The following SPRED3 variants were observed in gnomAD, a reference collection of about 807,000 sequenced individuals.
SPRED3 encodes sprouty-related, EVH1 domain-containing protein 3.
In SPRED3, 23 loss-of-function variants were observed where a neutral mutation model predicts 37.6. The observed-to-expected ratio is 0.61, with a 90% CI of 0.44 to 0.87. The LOEUF is 0.87. Among genes scored for constraint, SPRED3 ranks in the 40% least tolerant of loss-of-function variants. SPRED3 has a pLI of 0.00. For missense variants in SPRED3, 584 were observed against 618.6 expected, an observed-to-expected ratio of 0.94 and a Z score of 0.59; for synonymous variants, 302 against 279.6, an observed-to-expected ratio of 1.08 and a Z score of -0.80.
intron 2 of SPRED3, 92 bp from the exon 3 acceptor site, chr19:38,391,854 C>A: frequency 1.4e-6 from 2 of 1,452,636 alleles, no homozygotes; most frequent in Non-Finnish European, 1.9e-6. Flanking sequence ...TGTGAGAAGA[C>A]ACTAGGGTAT....
chr19:38,389,427 T>C (rs1029067077), intron 1 of SPRED3, among the ~76,000 whole-genome samples: 1 of 113,260 alleles, frequency 8.8e-6, no homozygotes, highest in Non-Finnish European at 1.7e-5. Context: ...TCCCGATTAC[T>C]GGGCGGAGGG....
chr19:38,394,493 G>A (rs1970868931), intron 4 of SPRED3, 150 bp from the exon 5 acceptor site: 1 of 1,518,214 alleles, frequency 6.6e-7, no homozygotes, highest in African/African-American at 1.4e-5. Flanking sequence ...TCACTTGCCG[G>A]AGGTCACACA....
In SPRED3 at chr19:38,392,224, C is replaced by A. The variant is rs1241258619; in HGVS notation, c.359C>A (p.Pro120His). 4 of 978,062 alleles carry A rather than the reference C, an allele frequency of 4.1e-6. No homozygotes were observed. Among genetic ancestry groups the A allele is most frequent in the Non-Finnish European group, 5.4e-6 (4 of 739,112 alleles). The allele number at this position is 978,062 out of a possible 1,614,324, so 60.6% of individuals were successfully genotyped here. ...LAALGRGSLT[P>H]SSSSSSSSPS... The stretch of plus-strand genomic sequence containing the variant: ...CTCCCTGCCCCAGGCTCACTCACCC[C>A]CTCCTCCTCCTCCTCCTCCTCCTCT... The change falls in exon 4 of 6, where the codon CCC becomes CAC. Residue 120 changes from proline to histidine, a missense_variant. This residue lies in a region of SPRED3 where 310 missense variants were observed against 281.1 expected (regional missense o/e 1.10). Coordinates refer to ENST00000691638, the MANE Select transcript of SPRED3 (RefSeq NM_001394336.1).
chr19:38,395,993 CCGCGCCCCGCCG>C lies in SPRED3; in HGVS notation c.1087_1098del (p.Pro363_Arg366del). On this transcript the variant is annotated inframe_deletion, in exon 6 of 6. Coordinates refer to ENST00000691638, the MANE Select transcript of SPRED3 (RefSeq NM_001394336.1). The surrounding 1 kb of genome is among the most constrained non-coding windows in gnomAD (Gnocchi z 5.2). ...CCCGTGCGCCTGCGAGCCGGGCCAC[CCGCGCCCCGCCG>C]CGCGCTGGGCCGCGCTGGCCGCGCT... The C allele has an allele frequency of 7.0e-7, 1 of 1,424,030 alleles. No homozygotes were observed. The highest frequency in any genetic ancestry group is 9.1e-7 in the Non-Finnish European group (1 of 1,094,734). The allele number at this position is 1,424,030 out of a possible 1,614,324, so 88.2% of individuals were successfully genotyped here. A position where few individuals can be genotyped will look rare whatever the true frequency, so the allele number is the denominator to read the frequency against.
chr19:38,395,745 C>T lies in SPRED3; in HGVS notation c.833C>T (p.Pro278Leu), dbSNP rs1970888082. The change falls in exon 6 of 6, where the codon CCG (proline) becomes CTG (leucine). Residue 278 changes from proline to leucine, a missense_variant. Transcript: ENST00000691638. The surrounding 1 kb of genome is among the most constrained non-coding windows in gnomAD (Gnocchi z 5.2). ...PAPPARPPPG[P>L]GPSSAPAKAS... is the part of the protein sequence containing the mutation. Reference sequence around the variant, plus strand: ...CCCCCCGCTCGCCCACCCCCCGGCCCGGGCCCATCCTCTGCGCCTGCCAAG... The same window carrying T: ...CCCCCCGCTCGCCCACCCCCCGGCCTGGGCCCATCCTCTGCGCCTGCCAAG... 2 of 1,460,070 alleles carry T rather than the reference C, an allele frequency of 1.4e-6. No homozygotes were observed. The allele number at this position is 1,460,070 out of a possible 1,614,324, so 90.4% of individuals were successfully genotyped here.
chr19:38,390,461 A>C lies in SPRED3; in HGVS notation c.159A>C (p.Glu53Asp). The change falls in exon 2 of 6, where the codon GAA (glutamate) becomes GAC (aspartate). Residue 53 changes from glutamate to aspartate, a missense_variant. By Grantham distance (45) the Glu-to-Asp change is conservative. Transcript: ENST00000691638. ...ARQGHYVIHGERLRDQKTTLE... is the reference protein window; with the variant it reads ...ARQGHYVIHGDRLRDQKTTLE... ...AGGGGCACTACGTCATCCACGGGGAACGCCTCCGGGACCAGAAAGTGAGCC... is the reference window on the plus strand; with the variant it reads ...AGGGGCACTACGTCATCCACGGGGACCGCCTCCGGGACCAGAAAGTGAGCC... 7.7e-7 allele frequency: 1 copy of C among 1,305,072 alleles called. No individual in the cohort carries two copies. Among genetic ancestry groups the C allele is most frequent in the Non-Finnish European group, 9.8e-7 (1 of 1,019,038 alleles). 80.8% of individuals were successfully genotyped at this position (1,305,072 alleles called of 1,614,324 possible). A position where few individuals can be genotyped will look rare whatever the true frequency, so the allele number is the denominator to read the frequency against.
chr19:38,392,429 A>G (rs1970844851), intron 4 of SPRED3, 141 bp downstream of exon 4: 5 of 905,106 alleles, frequency 5.5e-6, no homozygotes, highest in African/African-American at 1.7e-5. Context: ...ATGAGTGTCA[A>G]TTCAATCCCA....
In SPRED3 at chr19:38,395,947, C is replaced by T. The variant is rs1212303631; in HGVS notation, c.1035C>T (p.Asp345=). Residue 345 remains aspartate (D), a synonymous_variant, in exon 6 of 6, where the codon GAC becomes GAT. Transcript: ENST00000691638. The surrounding 1 kb of genome is among the most constrained non-coding windows in gnomAD (Gnocchi z 5.2). ...GCTTGCTCTACCACTGCCTGTCGGA[C>T]GCCGAGGGCGACTTCTCGGACCCGT... is the stretch of plus-strand genomic sequence containing the variant. ...AESLLYHCLS[D]AEGDFSDPCA... The T allele has an allele frequency of 1.3e-6, 2 of 1,497,288 alleles. No homozygotes were observed. The highest frequency in any genetic ancestry group is 1.3e-5 in the South Asian group (1 of 79,964). 92.8% of individuals were successfully genotyped at this position (1,497,288 alleles called of 1,614,324 possible). A position where few individuals can be genotyped will look rare whatever the true frequency, so the allele number is the denominator to read the frequency against.
rs944558606 is a variant in SPRED3 at position 38,397,785 on chromosome 19, C to G, written c.*1640C>G. The G allele has an allele frequency of 2.0e-5, 3 of 152,170 alleles. No individual in the cohort carries two copies. Among genetic ancestry groups the G allele is most frequent in the African/African-American group, 7.2e-5 (3 of 41,408 alleles). 9.4% of individuals were successfully genotyped at this position (152,170 alleles called of 1,614,324 possible). A position where few individuals can be genotyped will look rare whatever the true frequency, so the allele number is the denominator to read the frequency against. ...ATTTGGAACTCATTGTAGGACCACC[C>G]AGGGTGGGGCACAGTGGCTCATGCC... On this transcript the variant is annotated 3_prime_UTR_variant, in exon 6 of 6. Coordinates refer to ENST00000691638, the MANE Select transcript of SPRED3 (RefSeq NM_001394336.1).
chr19:38,391,324 G>GAA (rs769735728), intron 2 of SPRED3, among the ~76,000 whole-genome samples: 17 of 111,656 alleles, frequency 1.5e-4, no homozygotes, highest in Admixed American at 4.8e-4. Context: ...AGCTCATCTG[G>GAA]AAAAAAAAAA....
Position 38,396,395 on chromosome 19 carries a change from C to T in SPRED3, c.*250C>T. 3.2e-6 allele frequency: 1 copy of T among 311,078 alleles called. No homozygotes were observed. The highest frequency in any genetic ancestry group is 5.1e-5 in the East Asian group (1 of 19,462). 19.3% of individuals were successfully genotyped at this position (311,078 alleles called of 1,614,324 possible). A position where few individuals can be genotyped will look rare whatever the true frequency, so the allele number is the denominator to read the frequency against. On this transcript the variant is annotated 3_prime_UTR_variant, in exon 6 of 6. Coordinates refer to ENST00000691638, the MANE Select transcript of SPRED3 (RefSeq NM_001394336.1). The stretch of plus-strand genomic sequence containing the variant: ...GAGTTCTGGCGTTCCCCCACCCCCA[C>T]ACCCCACGAGGAGGCTCCAGGCGTC...
chr19:38,395,715 C>T lies in SPRED3; in HGVS notation c.803C>T (p.Pro268Leu). 6.9e-7 allele frequency: 1 copy of T among 1,455,942 alleles called. No individual in the cohort carries two copies. The highest frequency in any genetic ancestry group is 9.0e-7 in the Non-Finnish European group (1 of 1,115,128). The allele number at this position is 1,455,942 out of a possible 1,614,324, so 90.2% of individuals were successfully genotyped here. A position where few individuals can be genotyped will look rare whatever the true frequency, so the allele number is the denominator to read the frequency against. Residue 268 changes from proline (P) to leucine (L), a missense_variant, in exon 6 of 6, where the codon CCA (proline) becomes CTA (leucine). Pro to Leu is a moderately conservative substitution (Grantham distance 98). This residue lies in a region of SPRED3 where 310 missense variants were observed against 281.1 expected (regional missense o/e 1.10). Coordinates refer to ENST00000691638, the MANE Select transcript of SPRED3 (RefSeq NM_001394336.1). This position sits in a 1 kb window ranked among gnomAD's most constrained non-coding sequence, Gnocchi z 5.2. ...GCCCCTTTGACCGAGGCTGCGCCCC[C>T]AGCGCCCCCCGCTCGCCCACCCCCC... The part of the protein sequence containing the change: ...LPAPLTEAAP[P>L]APPARPPPGP...
At chr19:38,390,853 C>T (rs1472739308) in intron 2 of SPRED3, among the ~76,000 whole-genome samples, 1 of 150,976 alleles carries the variant, frequency 6.6e-6, no homozygotes, top group Non-Finnish European at 1.5e-5. Flanking sequence ...CGAGGCCCTA[C>T]ACCACCTGGC....
chr19:38,398,053 A>G lies in SPRED3; in HGVS notation c.*1908A>G, dbSNP rs910617921. The G allele has an allele frequency of 6.6e-5, 10 of 152,214 alleles. No homozygotes were observed. Among genetic ancestry groups the G allele is most frequent in the African/African-American group, 1.2e-4 (5 of 41,456 alleles). The allele number at this position is 152,214 out of a possible 1,614,324, so 9.4% of individuals were successfully genotyped here. A position where few individuals can be genotyped will look rare whatever the true frequency, so the allele number is the denominator to read the frequency against. On this transcript the variant is annotated 3_prime_UTR_variant, in exon 6 of 6. Coordinates refer to ENST00000691638, the MANE Select transcript of SPRED3 (RefSeq NM_001394336.1). ...TGGAAGTCACACCAGTCTGCTGGCC[A>G]CACTGTGCCCTCAGAAGAAGTGTGT...
rs1447667845 is a variant in SPRED3, at chr19:38,395,507, G to A, written c.595G>A (p.Gly199Arg). 2 of 1,520,328 alleles carry A rather than the reference G, an allele frequency of 1.3e-6. No individual in the cohort carries two copies. The highest frequency in any genetic ancestry group is 2.9e-5 in the African/African-American group (2 of 69,340). The allele number at this position is 1,520,328 out of a possible 1,614,324, so 94.2% of individuals were successfully genotyped here. Residue 199 changes from glycine to arginine, a missense_variant, in exon 6 of 6, where the codon GGG becomes AGG. Physicochemically the swap from Gly to Arg is moderately radical, Grantham distance 125. Coordinates refer to ENST00000691638, the MANE Select transcript of SPRED3 (RefSeq NM_001394336.1). The surrounding 1 kb of genome is among the most constrained non-coding windows in gnomAD (Gnocchi z 5.2). ...CTACCCTCCGCTTCTACCGTTCACGGGGATTCCGGAACCCTCAGAGCCCCT... is the reference window on the plus strand; with the variant it reads ...CTACCCTCCGCTTCTACCGTTCACGAGGATTCCGGAACCCTCAGAGCCCCT... ...QSYPPLLPFT[G>R]IPEPSEPLAG...
rs1340434175 is a variant in SPRED3, at chr19:38,396,695, C to A, written c.*550C>A. On this transcript the variant is annotated 3_prime_UTR_variant, in exon 6 of 6. Transcript: ENST00000691638. ...CCACATCTGAGACATTCTCATAGTC[C>A]CAGGACCCCTGAGACAGCAGGACCC... 1 of 152,006 alleles carries A rather than the reference C, an allele frequency of 6.6e-6. No homozygotes were observed. Among genetic ancestry groups the A allele is most frequent in the Non-Finnish European group, 1.5e-5 (1 of 68,058 alleles). The allele number at this position is 152,006 out of a possible 1,614,324, so 9.4% of individuals were successfully genotyped here.
In SPRED3 at chr19:38,392,279, C is replaced by G; in HGVS notation, c.414C>G (p.Cys138Trp). 1 of 1,564,292 alleles carries G rather than the reference C, an allele frequency of 6.4e-7. No homozygotes were observed. The highest frequency in any genetic ancestry group is 2.3e-5 in the East Asian group (1 of 42,720). ...SPSQDTAETP[C>W]PLTSHVDSDS... The stretch of plus-strand genomic sequence containing the variant: ...CCCAGGATACTGCAGAGACCCCCTG[C>G]CCTCTGACGGTGAGTGTCCAGGATG... The change falls in exon 4 of 6, where the codon TGC becomes TGG. Residue 138 changes from cysteine to tryptophan, a missense_variant. Cys to Trp is a radical substitution (Grantham distance 215). This residue lies in a region of SPRED3 where 310 missense variants were observed against 281.1 expected (regional missense o/e 1.10). Coordinates refer to ENST00000691638, the MANE Select transcript of SPRED3 (RefSeq NM_001394336.1).
rs1470874543 is a variant in SPRED3, at chr19:38,396,064, G to T, written c.1152G>T (p.Ala384=). ...CAGTGCCCTGCCTCTGCTGCTACGC[G>T]CCCCTGCGCGCGTGCCACTGGGTCG... ...SLAVPCLCCY[A]PLRACHWVAA... The change falls in exon 6 of 6, where the codon GCG becomes GCT. Residue 384 remains alanine (A), a synonymous_variant. Transcript: ENST00000691638. 4.5e-6 allele frequency: 6 copies of T among 1,347,518 alleles called. No homozygotes were observed. Among genetic ancestry groups the T allele is most frequent in the African/African-American group, 3.1e-5 (2 of 65,174 alleles). The allele number at this position is 1,347,518 out of a possible 1,614,324, so 83.5% of individuals were successfully genotyped here.
Position 38,395,562 on chromosome 19 carries a change from G to A in SPRED3, c.650G>A (p.Gly217Asp). Residue 217 changes from glycine to aspartate, a missense_variant, in exon 6 of 6, where the codon GGC becomes GAC. Gly to Asp is a moderately conservative substitution (Grantham distance 94). Transcript: ENST00000691638. The surrounding 1 kb of genome is among the most constrained non-coding windows in gnomAD (Gnocchi z 5.2). Reference sequence around the variant, plus strand: ...GGGGCAGGGGGCCTGGGGTGGGGCGGCCGCGGCTACGAGGATTACCGGCGC... The same window carrying A: ...GGGGCAGGGGGCCTGGGGTGGGGCGACCGCGGCTACGAGGATTACCGGCGC... The part of the protein sequence containing the change: ...LAGAGGLGWG[G>D]RGYEDYRRSG... The A allele has an allele frequency of 1.9e-6, 3 of 1,552,728 alleles. No homozygotes were observed. Among genetic ancestry groups the A allele is most frequent in the East Asian group, 2.5e-5 (1 of 39,846 alleles).
Sources: gnomAD v4.1 joint callset for allele counts (sites outside exome capture counted in the v4.1 genomes callset) on GRCh38, gnomAD v4.1.1 for gene constraint, gnomAD v4.1.1 regional missense constraint, Gnocchi (gnomAD v3.1) non-coding constraint, MANE v1.5 for transcripts, NCBI Gene and HGNC (gene_info 2026-07-23, HGNC 2026-07-21) for gene names.